FAM20C: variants seen among roughly 807,000 people sequenced by gnomAD.
FAM20C encodes the protein extracellular serine/threonine protein kinase FAM20C.
FAM20C carries 40 observed loss-of-function variants against 51.5 expected under a neutral mutation model. That is an observed-to-expected ratio of 0.78 (90% CI 0.60 to 1.01). FAM20C has a LOEUF of 1.01. Ranked by LOEUF, FAM20C falls within the 50% of genes least tolerant of loss-of-function variation. The pLI is 0.00. For missense variants in FAM20C, 861 were observed against 844.7 expected, an observed-to-expected ratio of 1.02 and a Z score of -0.24; for synonymous variants, 406 against 380.6, an observed-to-expected ratio of 1.07 and a Z score of -0.78.
Position 248,344 on chromosome 7 carries a change from T to C in FAM20C, c.986T>C (p.Val329Ala). 6.5e-7 allele frequency: 1 copy of C among 1,537,062 alleles called. No individual in the cohort carries two copies. Among genetic ancestry groups the C allele is most frequent in the Non-Finnish European group, 8.7e-7 (1 of 1,146,848 alleles). ...RILDFRRVPP[V>A]AGRMVNMTKE... The stretch of plus-strand genomic sequence containing the variant: ...CTGGACTTCCGCCGGGTCCCTCCCG[T>C]GGCCGGCAGGATGGTCAACATGACC... The change falls in exon 5 of 10, where the codon GTG (valine) becomes GCG (alanine). Residue 329 changes from valine to alanine, a missense_variant. Physicochemically the swap from Val to Ala is moderately conservative, Grantham distance 64. Coordinates refer to ENST00000313766, the MANE Select transcript of FAM20C (RefSeq NM_020223.4).
intron 1 of FAM20C, among the ~76,000 whole-genome samples, chr7:194,783 C>T (rs934142179): frequency 7.8e-4 from 110 of 140,514 alleles, no homozygotes; most frequent in African/African-American, 2.9e-3. Flanking sequence ...CCCCCCACCC[C>T]GCCCCCGTGT....
chr7:202,238 T>G (rs897542459), intron 2 of FAM20C, among the ~76,000 whole-genome samples: 18 of 151,518 alleles, frequency 1.2e-4, no homozygotes, highest in Non-Finnish European at 2.4e-4. Context: ...ATGGGGCTTG[T>G]GGACATCTTC....
At chr7:195,862 C>CAA in intron 2 of FAM20C, 130 bp downstream of exon 2, 1 of 895,962 alleles carries the variant, frequency 1.1e-6, no homozygotes, top group Non-Finnish European at 1.5e-6. Flanking sequence ...CCTCCTGCAG[C>CAA]AATCTGCACG....
At chr7:231,649 CCAGGAGGGTGAG>C (rs1787693079) in intron 3 of FAM20C, among the ~76,000 whole-genome samples, 1 of 152,086 alleles carries the variant, frequency 6.6e-6, no homozygotes, top group South Asian at 2.1e-4. Flanking sequence ...CTGCCTGTTT[CCAGGAGGGTGAG>C]CAGGAGGCCT....
intron 3 of FAM20C, among the ~76,000 whole-genome samples, chr7:232,804 G>C (rs1423965466): frequency 6.6e-6 from 1 of 152,216 alleles, no homozygotes; most frequent in Non-Finnish European, 1.5e-5. Context: ...GCAGGACGGG[G>C]CACCCGGCGT....
At chr7:248,199 C>G (rs998463877) in intron 4 of FAM20C, 116 bp from the exon 5 acceptor site, 8 of 693,746 alleles carry the variant, frequency 1.2e-5, no homozygotes, top group Admixed American at 5.5e-5. Flanking sequence ...CACAGAGGCC[C>G]GCTGAGCCGC....
chr7:204,640 G>C (rs1183866927), intron 2 of FAM20C, among the ~76,000 whole-genome samples: 1 of 152,246 alleles, frequency 6.6e-6, no homozygotes, highest in Admixed American at 6.5e-5. Flanking sequence ...ACTCAGGGAA[G>C]AGACACGGCA....
chr7:220,494 G>A (rs980964215), intron 3 of FAM20C, among the ~76,000 whole-genome samples: 3 of 152,176 alleles, frequency 2.0e-5, no homozygotes, highest in Non-Finnish European at 4.4e-5. Context: ...GAAGGAGCAT[G>A]GCAGAGACGG....
chr7:240,947 A>G (rs1404847596), intron 3 of FAM20C, among the ~76,000 whole-genome samples: 7 of 152,116 alleles, frequency 4.6e-5, no homozygotes, highest in Non-Finnish European at 1.0e-4. Context: ...CTCCCTGAGC[A>G]GGGGGTGGGG....
At position 259,752 on chromosome 7, in the gene FAM20C, G is replaced by A; in HGVS notation, c.1527G>A (p.Leu509=). Residue 509 remains leucine, a synonymous_variant, in exon 10 of 10, where the codon CTG becomes CTA. Transcript: ENST00000313766. The part of the protein sequence containing the change: ...QCCRIRKSTY[L]RLQLLAKEEY... ...CCAGGATCCGGAAGTCCACCTACCT[G>A]CGTCTGCAGCTCCTGGCCAAGGAGG... The A allele has an allele frequency of 6.5e-7, 1 of 1,536,098 alleles. No homozygotes were observed. The highest frequency in any genetic ancestry group is 8.7e-7 in the Non-Finnish European group (1 of 1,146,396).
At chr7:256,130 A>T in intron 6 of FAM20C, 101 bp downstream of exon 6, 2 of 1,384,850 alleles carry the variant, frequency 1.4e-6, no homozygotes, top group South Asian at 2.7e-5. Context: ...GGTGGCAGAG[A>T]TGGGTGCAGA....
intron 2 of FAM20C, among the ~76,000 whole-genome samples, chr7:198,306 G>T (rs1785975958): frequency 6.6e-6 from 1 of 152,184 alleles, no homozygotes; most frequent in South Asian, 2.1e-4. Context: ...AGCCAGAGTG[G>T]AAGTGGGCAA....
At chr7:216,684 AGTGT>A (rs1176075605) in intron 3 of FAM20C, among the ~76,000 whole-genome samples, 1 of 149,376 alleles carries the variant, frequency 6.7e-6, no homozygotes, top group Non-Finnish European at 1.5e-5. Context: ...TGTGTGTGAG[AGTGT>A]GTGTGTGTGT....
Position 195,589 on chromosome 7 carries a change from C to A in FAM20C, c.641C>A (p.Ser214Tyr), listed in dbSNP as rs201436002. 8.9e-5 allele frequency: 142 copies of A among 1,597,964 alleles called. No homozygotes were observed. The highest frequency in any genetic ancestry group is 1.7e-4 in the Middle Eastern group (1 of 6,050). ...GGTGCTGAAGGTGCAGAATTCCTCT[C>A]CCCCGGGGAGGCGGCCGTGGACTCC... ...HAGAEGAEFL[S>Y]PGEAAVDSYP... The change falls in exon 2 of 10, where the codon TCC becomes TAC. Residue 214 changes from serine (S) to tyrosine (Y), a missense_variant. Ser to Tyr is a moderately radical substitution (Grantham distance 144). Coordinates refer to ENST00000313766, the MANE Select transcript of FAM20C (RefSeq NM_020223.4).
rs761899411 is a variant in FAM20C, at chr7:259,930, G to C, written c.1705G>C (p.Val569Leu). ...CGTGGAGAGGAACGGGCTCCACAGC[G>C]TGGTGGATGACGACCTGGACACTGA... is the stretch of plus-strand genomic sequence containing the variant. ...DCVERNGLHSVVDDDLDTEHR... is the reference protein window; with the variant it reads ...DCVERNGLHSLVDDDLDTEHR... Residue 569 changes from valine to leucine, a missense_variant, in exon 10 of 10, where the codon GTG becomes CTG. Around this residue, in one of 3 missense-constraint regions of FAM20C, gnomAD observed 269 missense variants for 283.8 expected, o/e 0.95. Transcript: ENST00000313766. 4 of 1,532,264 alleles carry C rather than the reference G, an allele frequency of 2.6e-6. No individual in the cohort carries two copies. The highest frequency in any genetic ancestry group is 3.5e-6 in the Non-Finnish European group (4 of 1,143,770). The allele number at this position is 1,532,264 out of a possible 1,614,324, so 94.9% of individuals were successfully genotyped here.
chr7:198,350 C>G (rs73251064), intron 2 of FAM20C, among the ~76,000 whole-genome samples: 1 of 152,120 alleles, frequency 6.6e-6, no homozygotes, highest in Non-Finnish European at 1.5e-5. Context: ...GGTTTCTCAC[C>G]GAGAACACAG....
chr7:256,059 G>A (rs769194435), intron 6 of FAM20C, 30 bp downstream of exon 6: 189 of 1,530,284 alleles, frequency 1.2e-4, no homozygotes, highest in Non-Finnish European at 1.5e-4. Flanking sequence ...GCTGGCGTCC[G>A]GCCACCCTAC....
chr7:226,396 C>G (rs934589413), intron 3 of FAM20C, among the ~76,000 whole-genome samples: 1 of 152,172 alleles, frequency 6.6e-6, no homozygotes, highest in Non-Finnish European at 1.5e-5. Flanking sequence ...CATGGGCTGA[C>G]TCAGAGGGGC....
intron 3 of FAM20C, chr7:245,794 C>G (rs1345587798): frequency 1.3e-5 from 2 of 152,310 alleles, no homozygotes; most frequent in Non-Finnish European, 2.9e-5. Flanking sequence ...ATGGCACTGA[C>G]CTTTCATAAA....
Sources: gnomAD v4.1 joint callset for allele counts (sites outside exome capture counted in the v4.1 genomes callset) on GRCh38, gnomAD v4.1.1 for gene constraint, gnomAD v4.1.1 regional missense constraint, MANE v1.5 for transcripts, NCBI Gene and HGNC (gene_info 2026-07-23, HGNC 2026-07-21) for gene names.